The following HDAC9 variants were observed in gnomAD, a reference collection of about 807,000 sequenced individuals.
HDAC9 encodes MEF-2 interacting transcription repressor (MITR) protein.
A neutral mutation model predicts 139.4 loss-of-function variants in HDAC9; 41 were observed. The observed-to-expected ratio is 0.29, with a 90% CI of 0.23 to 0.38. The LOEUF is 0.38. Among genes scored for constraint, HDAC9 ranks in the 10% least tolerant of loss-of-function variants. The probability of loss-of-function intolerance (pLI) is 1.00; values close to 1 mark genes in which losing one functional copy is unlikely to be tolerated. For missense variants in HDAC9, 1,147 were observed against 1,297.0 expected, an observed-to-expected ratio of 0.88 and a Z score of 1.78; for synonymous variants, 517 against 476.2, an observed-to-expected ratio of 1.09 and a Z score of -1.12.
intron 2 of HDAC9, among the ~76,000 whole-genome samples, chr7:18,560,930 C>T (rs920901571): frequency 2.0e-5 from 3 of 152,056 alleles, no homozygotes; most frequent in Admixed American, 6.6e-5. Context: ...CACCTTGTCC[C>T]GTGCTCTCCT....
intron 2 of HDAC9, among the ~76,000 whole-genome samples, chr7:18,563,731 C>A (rs567056471): frequency 2.0e-5 from 3 of 151,876 alleles, no homozygotes; most frequent in Admixed American, 1.3e-4. Context: ...CCCAACCCCC[C>A]CCATGAACTT....
chr7:18,315,799 C>G (rs1435366192), intron 1 of HDAC9, among the ~76,000 whole-genome samples: 1 of 152,170 alleles, frequency 6.6e-6, no homozygotes, highest in Non-Finnish European at 1.5e-5. Context: ...CTGGACAGAT[C>G]CTTGTGATGA....
rs180804019 is a variant in HDAC9, at chr7:18,736,354, T to C, written c.1909+8597T>C. Among the ~76,000 whole-genome samples the C allele has an allele frequency of 4.5e-3, 689 of 152,354 alleles. 5 individuals carry two copies. Among genetic ancestry groups the C allele is most frequent in the African/African-American group, 0.016 (656 of 41,594 alleles). The stretch of plus-strand genomic sequence containing the variant: ...GCTTCCAGTTTTTGCCCATTCAGTA[T>C]GATACTGGCTGTGGGTTTGTCATAA... On this transcript the variant is annotated intron_variant, in intron 13 of 25. Coordinates refer to ENST00000686413, the MANE Select transcript of HDAC9 (RefSeq NM_178425.4).
chr7:18,251,862 A>T (rs983739339), intron 2 of HDAC9, among the ~76,000 whole-genome samples: 1 of 152,208 alleles, frequency 6.6e-6, no homozygotes, highest in African/African-American at 2.4e-5. Context: ...CCATGAAGTT[A>T]GTATTAGAAA....
chr7:18,633,747 G>T (rs1048805674), intron 7 of HDAC9, among the ~76,000 whole-genome samples: 1 of 151,986 alleles, frequency 6.6e-6, no homozygotes, highest in Non-Finnish European at 1.5e-5. Flanking sequence ...GAATTAATTA[G>T]AGCTGAATAA....
At chr7:18,414,900 C>A (rs1158407744) in intron 1 of HDAC9, among the ~76,000 whole-genome samples, 1 of 152,132 alleles carries the variant, frequency 6.6e-6, no homozygotes, top group Non-Finnish European at 1.5e-5. Context: ...AGAGAATACT[C>A]TTACTTGAAA....
In HDAC9 at chr7:18,666,473, A is replaced by C; in HGVS notation, c.1728A>C (p.Gln576His). ...MESGEQAAFM[Q>H]QPFLEPTHTR... ...CTGGGGAGCAGGCTGCTTTTATGCA[A>C]CAGGTAATAGGCAAAGATTTAGCTC... The change falls in exon 12 of 26, where the codon CAA becomes CAC. Residue 576 changes from glutamine to histidine, a missense_variant. Around this residue, in one of 7 missense-constraint regions of HDAC9, gnomAD observed 256 missense variants for 219.2 expected, o/e 1.17. Coordinates refer to ENST00000686413, the MANE Select transcript of HDAC9 (RefSeq NM_178425.4). The C allele has an allele frequency of 6.2e-7, 1 of 1,607,982 alleles. No homozygotes were observed. Among genetic ancestry groups the C allele is most frequent in the Non-Finnish European group, 8.5e-7 (1 of 1,176,638 alleles).
At position 18,609,820 on chromosome 7, in the gene HDAC9, G is replaced by C. The variant is rs140359180; in HGVS notation, c.664+15791G>C. ...GACAGGCCCCGGTGTGTGATGTTCC[G>C]TTTCCTGTGTCCAAGTGTTCTCATT... On this transcript the variant is annotated intron_variant, in intron 6 of 25. Coordinates refer to ENST00000686413, the MANE Select transcript of HDAC9 (RefSeq NM_178425.4). Among the ~76,000 whole-genome samples, 576 of 142,924 alleles carry C rather than the reference G, an allele frequency of 4.0e-3. 2 individuals carry two copies. The highest frequency in any genetic ancestry group is 0.014 in the African/African-American group (549 of 38,132). The allele number at this position is 142,924 out of a possible 152,430, so 93.8% of individuals were successfully genotyped here.
intron 1 of HDAC9, among the ~76,000 whole-genome samples, chr7:18,487,660 C>T (rs964654139): frequency 1.3e-5 from 2 of 151,984 alleles, no homozygotes; most frequent in Admixed American, 6.6e-5. Flanking sequence ...GTTTTAGGTA[C>T]TTGCTATTTC....
At chr7:18,664,697 A>G (rs1486687033) in intron 11 of HDAC9, among the ~76,000 whole-genome samples, 2 of 152,036 alleles carry the variant, frequency 1.3e-5, no homozygotes, top group Admixed American at 6.6e-5. Flanking sequence ...TCTAAACCTA[A>G]ATATAACACT....
chr7:18,131,533 G>T (rs1264207149), intron 1 of HDAC9, among the ~76,000 whole-genome samples: 1 of 152,138 alleles, frequency 6.6e-6, no homozygotes. Flanking sequence ...ACAACTTGTG[G>T]GATGCAGTAG....
chr7:18,510,729 G>T (rs1276517279), intron 2 of HDAC9, among the ~76,000 whole-genome samples: 1 of 152,082 alleles, frequency 6.6e-6, no homozygotes, highest in Non-Finnish European at 1.5e-5. Context: ...AAAGTAAAAT[G>T]TCAGAATAAG....
At chr7:18,467,740 C>T (rs940787047) in intron 1 of HDAC9, among the ~76,000 whole-genome samples, 17 of 152,178 alleles carry the variant, frequency 1.1e-4, no homozygotes, top group African/African-American at 2.9e-4. Flanking sequence ...AGAGAACCCA[C>T]GTTGGCACAT....
intron 2 of HDAC9, among the ~76,000 whole-genome samples, chr7:18,196,491 G>A (rs1258870614): frequency 1.3e-5 from 2 of 152,142 alleles, no homozygotes; most frequent in African/African-American, 4.8e-5. Context: ...GAGCGAATTG[G>A]CATTGGTGGC....
At chr7:18,727,222 A>T (rs1008886702) in intron 12 of HDAC9, among the ~76,000 whole-genome samples, 1 of 152,204 alleles carries the variant, frequency 6.6e-6, no homozygotes, top group Non-Finnish European at 1.5e-5. Context: ...GTTGTGTGGC[A>T]GTTCTGGGGC....
rs114402103 is a variant in HDAC9 at position 18,416,464 on chromosome 7, G to A, written c.-41-79798G>A. On this transcript the variant is annotated intron_variant, in intron 1 of 3. Transcript: ENST00000413509. ...ACCTCCTCTTCATTTTTCTGGAGGA[G>A]CTGTGTAGAATTGGTATTATATTTT... Among the ~76,000 whole-genome samples the A allele has an allele frequency of 9.5e-3, 1,440 of 152,134 alleles. 23 individuals are homozygous for A. Among genetic ancestry groups the A allele is most frequent in the African/African-American group, 0.032 (1,336 of 41,492 alleles).
chr7:18,575,436 A>G (rs1302981669), intron 2 of HDAC9, among the ~76,000 whole-genome samples: 2 of 152,226 alleles, frequency 1.3e-5, no homozygotes, highest in Non-Finnish European at 2.9e-5. Context: ...ATTAGCCATT[A>G]TTATTTAAAT....
intron 1 of HDAC9, among the ~76,000 whole-genome samples, chr7:18,303,536 C>T (rs908297543): frequency 2.0e-5 from 3 of 151,996 alleles, no homozygotes; most frequent in Admixed American, 6.6e-5. Context: ...CTTGAACCAC[C>T]GCGCCCGGCC....
intron 22 of HDAC9, among the ~76,000 whole-genome samples, chr7:18,890,741 C>A (rs1474779920): frequency 6.6e-6 from 1 of 152,146 alleles, no homozygotes; most frequent in Non-Finnish European, 1.5e-5. Flanking sequence ...AGGAAATTCA[C>A]TACAGTGTAA....
Sources: allele counts gnomAD v4.1 joint callset (sites outside exome capture counted in the v4.1 genomes callset), GRCh38; gene constraint gnomAD v4.1.1; regional missense constraint gnomAD v4.1.1; transcripts MANE v1.5; gene names NCBI Gene and HGNC (gene_info 2026-07-23, HGNC 2026-07-21).